The following PLCH1 variants were observed in gnomAD, a reference collection of about 807,000 sequenced individuals.
PLCH1 encodes the protein 1-phosphatidylinositol 4,5-bisphosphate phosphodiesterase eta-1.
A neutral mutation model predicts 126.7 loss-of-function variants in PLCH1; 60 were observed. That is an observed-to-expected ratio of 0.47 (90% CI 0.38 to 0.59). The LOEUF (loss-of-function observed/expected upper bound fraction) is 0.59. Ranked by LOEUF, PLCH1 falls within the 20% of genes least tolerant of loss-of-function variation. PLCH1 has a pLI of 0.00. For synonymous variants in PLCH1, 719 were observed against 734.9 expected (o/e 0.98, Z 0.35); for missense variants, 1,723 against 2,040.0 (o/e 0.84, Z 2.99).
intron 2 of PLCH1, among the ~76,000 whole-genome samples, chr3:155,654,130 T>A (rs1559900189): frequency 6.6e-6 from 1 of 151,282 alleles, no homozygotes; most frequent in East Asian, 2.0e-4. Context: ...CGCAGCAGCA[T>A]TTCACCCAGC....
At chr3:155,704,932 T>G (rs1327648265) in intron 1 of PLCH1, among the ~76,000 whole-genome samples, 1 of 152,150 alleles carries the variant, frequency 6.6e-6, no homozygotes, top group African/African-American at 2.4e-5. Context: ...CAATGCTAGC[T>G]AGAGCAACAA....
At chr3:155,585,071 C>T (rs545881283) in intron 5 of PLCH1, among the ~76,000 whole-genome samples, 1 of 152,166 alleles carries the variant, frequency 6.6e-6, no homozygotes, top group African/African-American at 2.4e-5. Context: ...TACAGCAAAT[C>T]TCATTCCTTC....
downstream of PLCH1, among the ~76,000 whole-genome samples, chr3:155,476,640 A>G (rs1006438960): frequency 6.6e-6 from 1 of 152,144 alleles, no homozygotes; most frequent in Non-Finnish European, 1.5e-5. Context: ...TAGCATTTCA[A>G]TATGTCAACA....
intron 1 of PLCH1, among the ~76,000 whole-genome samples, chr3:155,733,257 G>C (rs1400725278): frequency 6.6e-6 from 1 of 152,052 alleles, no homozygotes; most frequent in Admixed American, 6.6e-5. Context: ...CCTGAATAGA[G>C]AAAGCAATCT....
At chr3:155,603,849 G>C (rs890706939) in intron 2 of PLCH1, among the ~76,000 whole-genome samples, 1 of 151,904 alleles carries the variant, frequency 6.6e-6, no homozygotes, top group Non-Finnish European at 1.5e-5. Context: ...TGTAATCCCA[G>C]CACTTTAGAA....
At chr3:155,719,820 T>C (rs941513668) in intron 1 of PLCH1, among the ~76,000 whole-genome samples, 1 of 152,054 alleles carries the variant, frequency 6.6e-6, no homozygotes, top group Non-Finnish European at 1.5e-5. Context: ...ATTTTTTTTT[T>C]CCAGACAGAC....
At position 155,470,270 on chromosome 3, in the gene PLCH1, G is replaced by A. The variant is rs564312577; in HGVS notation, c.2938+15086C>T. On this transcript the variant is annotated intron_variant, in intron 21 of 21. Transcript: ENST00000494598. ...CTGAAAACCAAGGCTCGAGAACTAC[G>A]TGAAGAATACAGAAGCCTTAGGAGC... Among the ~76,000 whole-genome samples the A allele has an allele frequency of 6.6e-5, 10 of 152,320 alleles. No individual in the cohort carries two copies. In the East Asian group the frequency reaches 7.7e-4, roughly 12 times the overall value.
intron 2 of PLCH1, among the ~76,000 whole-genome samples, chr3:155,629,199 C>T (rs1362684515): frequency 3.3e-5 from 5 of 152,202 alleles, no homozygotes; most frequent in Non-Finnish European, 7.3e-5. Context: ...TTCTGAATGA[C>T]ATCAGAGCTC....
intron 2 of PLCH1, among the ~76,000 whole-genome samples, chr3:155,659,302 C>CCTT (rs1741822119): frequency 3.2e-5 from 1 of 30,796 alleles, no homozygotes; most frequent in Non-Finnish European, 7.2e-5. Flanking sequence ...CTATTCACTT[C>CCTT]TTTTTTTTTT....
At chr3:155,656,149 A>G (rs1741329053) in intron 2 of PLCH1, among the ~76,000 whole-genome samples, 1 of 150,822 alleles carries the variant, frequency 6.6e-6, no homozygotes, top group African/African-American at 2.4e-5. Context: ...ATTTTCATAG[A>G]AGGAATAGAG....
At chr3:155,676,022 C>A in intron 2 of PLCH1, 1 of 1,538,474 alleles carries the variant, frequency 6.5e-7, no homozygotes, top group Admixed American at 2.0e-5. Context: ...AGTTTTTATA[C>A]ACTTCAAGGT....
At chr3:155,580,363 A>G (rs1730515617) in intron 6 of PLCH1, among the ~76,000 whole-genome samples, 1 of 152,208 alleles carries the variant, frequency 6.6e-6, no homozygotes, top group Admixed American at 6.5e-5. Flanking sequence ...CTGATCACCA[A>G]ATTAATCTCA....
At chr3:155,629,266 C>T (rs1737740255) in intron 2 of PLCH1, among the ~76,000 whole-genome samples, 1 of 152,170 alleles carries the variant, frequency 6.6e-6, no homozygotes, top group Non-Finnish European at 1.5e-5. Context: ...AATTCTACAG[C>T]AGGACAATAA....
At chr3:155,635,998 C>G (rs950946189) in intron 2 of PLCH1, among the ~76,000 whole-genome samples, 1 of 152,216 alleles carries the variant, frequency 6.6e-6, no homozygotes, top group Non-Finnish European at 1.5e-5. Flanking sequence ...CTCTAATCAT[C>G]ATAAACGCAT....
intron 2 of PLCH1, among the ~76,000 whole-genome samples, chr3:155,625,066 T>C (rs1448925774): frequency 1.3e-5 from 2 of 152,018 alleles, no homozygotes; most frequent in African/African-American, 2.4e-5. Flanking sequence ...TGGAACAGAA[T>C]AGAGACCTCA....
chr3:155,552,260 C>G (rs955293180), intron 9 of PLCH1, among the ~76,000 whole-genome samples: 2 of 152,088 alleles, frequency 1.3e-5, no homozygotes, highest in African/African-American at 4.8e-5. Flanking sequence ...ACTGAAGGTA[C>G]CTGCTAGGCA....
chr3:155,588,219 T>A (rs1014923146), intron 4 of PLCH1, among the ~76,000 whole-genome samples: 4 of 152,210 alleles, frequency 2.6e-5, no homozygotes, highest in Non-Finnish European at 4.4e-5. Flanking sequence ...TTAAAACTTT[T>A]AAAATAACTA....
At chr3:155,634,195 A>G (rs1411519677) in intron 2 of PLCH1, among the ~76,000 whole-genome samples, 1 of 152,206 alleles carries the variant, frequency 6.6e-6, no homozygotes, top group Non-Finnish European at 1.5e-5. Context: ...AACAACTCAG[A>G]AAATAAGATG....
At chr3:155,550,252 A>G (rs577182031) in intron 9 of PLCH1, among the ~76,000 whole-genome samples, 2 of 152,354 alleles carry the variant, frequency 1.3e-5, no homozygotes, top group African/African-American at 2.4e-5. Flanking sequence ...TTCTTTTAAA[A>G]GAAGAGAAAA....
Sources: gnomAD v4.1 joint callset for allele counts (sites outside exome capture counted in the v4.1 genomes callset) on GRCh38, gnomAD v4.1.1 for gene constraint, MANE v1.5 for transcripts, NCBI Gene and HGNC (gene_info 2026-07-23, HGNC 2026-07-21) for gene names.